ANKS1B: variants seen among roughly 807,000 people sequenced by gnomAD.
The protein encoded by ANKS1B is ankyrin repeat and sterile alpha motif domain-containing protein 1B.
ANKS1B carries 36 observed loss-of-function variants against 148.3 expected under a neutral mutation model. The ratio of observed to expected loss-of-function variants is 0.24; its 90% CI spans 0.19 to 0.32. The LOEUF (loss-of-function observed/expected upper bound fraction) is 0.32. Among genes scored for constraint, ANKS1B ranks in the 10% least tolerant of loss-of-function variants. ANKS1B has a pLI of 1.00. For missense variants in ANKS1B, 1,157 were observed against 1,542.6 expected, an observed-to-expected ratio of 0.75 and a Z score of 4.19; for synonymous variants, 542 against 560.8, an observed-to-expected ratio of 0.97 and a Z score of 0.47.
At chr12:99,451,724 A>C (rs1173279368) in intron 10 of ANKS1B, among the ~76,000 whole-genome samples, 2 of 152,166 alleles carry the variant, frequency 1.3e-5, no homozygotes, top group Non-Finnish European at 1.5e-5. Flanking sequence ...CTTCAGTTTC[A>C]TCTTCTGTAA....
chr12:99,761,218 AT>A (rs2062080231), intron 8 of ANKS1B, among the ~76,000 whole-genome samples: 1 of 147,082 alleles, frequency 6.8e-6, no homozygotes, highest in Non-Finnish European at 1.5e-5. Context: ...CATCATCCTA[AT>A]ATCAAAACCT....
chr12:99,778,439 C>T (rs1037555547), intron 6 of ANKS1B, among the ~76,000 whole-genome samples: 1 of 147,988 alleles, frequency 6.8e-6, no homozygotes, highest in Admixed American at 6.9e-5. Context: ...ACCCGGGAGG[C>T]GGAGGCTGCA....
chr12:99,296,143 T>C (rs546075162), intron 12 of ANKS1B, among the ~76,000 whole-genome samples: 4 of 152,342 alleles, frequency 2.6e-5, no homozygotes, highest in South Asian at 2.1e-4. Context: ...CAATTAACCA[T>C]ATAAATGTGG....
chr12:99,228,106 TAGAGCTGGAAAAGATCTAG>T (rs1566680778), intron 14 of ANKS1B, among the ~76,000 whole-genome samples: 260 of 152,236 alleles, frequency 1.7e-3, no homozygotes, highest in African/African-American at 5.6e-3. Flanking sequence ...CATGGAATTA[TAGAGCTGGAAAAGATCTAG>T]CCCTACTGTT....
At chr12:99,937,091 T>G (rs1411907879) in intron 1 of ANKS1B, among the ~76,000 whole-genome samples, 1 of 151,992 alleles carries the variant, frequency 6.6e-6, no homozygotes, top group Non-Finnish European at 1.5e-5. Flanking sequence ...ACATCTGGAG[T>G]TCCCATCTCC....
intron 12 of ANKS1B, among the ~76,000 whole-genome samples, chr12:99,272,349 T>C (rs1305344404): frequency 4.6e-5 from 7 of 152,084 alleles, no homozygotes; most frequent in African/African-American, 7.2e-5. Context: ...AGAAATAACA[T>C]TAAAATCCAA....
At chr12:99,014,215 A>G (rs1282972589) in intron 17 of ANKS1B, among the ~76,000 whole-genome samples, 2 of 152,006 alleles carry the variant, frequency 1.3e-5, no homozygotes, top group African/African-American at 4.8e-5. Context: ...CAGAAATAAG[A>G]CTGCACACCT....
At chr12:99,045,337 C>G (rs1366676694) in intron 17 of ANKS1B, among the ~76,000 whole-genome samples, 1 of 152,202 alleles carries the variant, frequency 6.6e-6, no homozygotes, top group Non-Finnish European at 1.5e-5. Context: ...TGTAGCAGAA[C>G]TGGCTGAGTC....
At chr12:99,494,347 T>C (rs899175666) in intron 10 of ANKS1B, among the ~76,000 whole-genome samples, 2 of 152,006 alleles carry the variant, frequency 1.3e-5, no homozygotes, top group African/African-American at 4.8e-5. Flanking sequence ...AGTCGTCAGG[T>C]GGGATCAAGG....
chr12:98,980,153 C>G (rs2099907127), intron 17 of ANKS1B, among the ~76,000 whole-genome samples: 1 of 152,088 alleles, frequency 6.6e-6, no homozygotes, highest in Non-Finnish European at 1.5e-5. Flanking sequence ...TCCTCAATTT[C>G]TCTCCTCATT....
At chr12:99,397,595 G>T (rs1284311396) in intron 12 of ANKS1B, among the ~76,000 whole-genome samples, 1 of 152,114 alleles carries the variant, frequency 6.6e-6, no homozygotes, top group African/African-American at 2.4e-5. Context: ...TACCAGGTTT[G>T]AGTTCATACC....
intron 12 of ANKS1B, among the ~76,000 whole-genome samples, chr12:99,357,966 T>C (rs1449686577): frequency 6.6e-6 from 1 of 152,112 alleles, no homozygotes; most frequent in Non-Finnish European, 1.5e-5. Context: ...ATTTATTCAA[T>C]TGCTAATGAG....
chr12:99,680,057 C>G (rs979887701), intron 8 of ANKS1B, among the ~76,000 whole-genome samples: 2 of 152,206 alleles, frequency 1.3e-5, no homozygotes, highest in African/African-American at 4.8e-5. Flanking sequence ...ACACATCCTC[C>G]TTGGGGAACC....
chr12:99,052,231 A>G (rs1226647872), intron 17 of ANKS1B, among the ~76,000 whole-genome samples: 2 of 152,264 alleles, frequency 1.3e-5, no homozygotes, highest in East Asian at 1.9e-4. Context: ...ATGCAGATTC[A>G]GTTGATCTCT....
chr12:99,856,438 T>C (rs780456621), intron 1 of ANKS1B, among the ~76,000 whole-genome samples: 3 of 150,534 alleles, frequency 2.0e-5, no homozygotes, highest in Admixed American at 6.6e-5. Context: ...AAAAAAAAAG[T>C]CCAGGACCAA....
intron 12 of ANKS1B, among the ~76,000 whole-genome samples, chr12:99,308,503 C>A (rs2082659782): frequency 6.6e-6 from 1 of 151,874 alleles, no homozygotes; most frequent in South Asian, 2.1e-4. Flanking sequence ...TATCATTTGT[C>A]TATTTCTGTA....
At chr12:98,821,075 G>C (rs930200937) in intron 19 of ANKS1B, among the ~76,000 whole-genome samples, 1 of 152,176 alleles carries the variant, frequency 6.6e-6, no homozygotes, top group African/African-American at 2.4e-5. Flanking sequence ...ACAATGATGT[G>C]GGGTGGGCAT....
At chr12:99,648,907 G>A (rs2098399535) in intron 9 of ANKS1B, 1 of 1,381,782 alleles carries the variant, frequency 7.2e-7, no homozygotes, top group Admixed American at 2.8e-5. Flanking sequence ...TGGAAGGTCT[G>A]AAGGCCAAAT....
intron 12 of ANKS1B, among the ~76,000 whole-genome samples, chr12:99,328,100 A>T (rs1207127911): frequency 6.6e-6 from 1 of 152,040 alleles, no homozygotes; most frequent in Non-Finnish European, 1.5e-5. Context: ...TAAAATAAAA[A>T]GTGAAAATAT....
Sources: allele counts gnomAD v4.1 joint callset (sites outside exome capture counted in the v4.1 genomes callset), GRCh38; gene constraint gnomAD v4.1.1; transcripts MANE v1.5; gene names NCBI Gene and HGNC (gene_info 2026-07-23, HGNC 2026-07-21).